GRIP1: variants seen among roughly 807,000 people sequenced by gnomAD.
GRIP1 encodes the protein glutamate receptor interacting protein 1.
In GRIP1, 45 loss-of-function variants were observed where a neutral mutation model predicts 129.9. That is an observed-to-expected ratio of 0.35 (90% CI 0.27 to 0.44). The LOEUF is 0.44. Ranked by LOEUF, GRIP1 falls within the 20% of genes least tolerant of loss-of-function variation. The pLI, the probability that GRIP1 is intolerant of heterozygous loss-of-function variation, is 1.00. For synonymous variants in GRIP1, 530 were observed against 520.8 expected (o/e 1.02, Z -0.24); for missense variants, 1,196 against 1,396.8 (o/e 0.86, Z 2.29).
chr12:66,683,070 A>G (rs1160975269), upstream of GRIP1, among the ~76,000 whole-genome samples: 2 of 151,892 alleles, frequency 1.3e-5, no homozygotes, highest in Non-Finnish European at 2.9e-5. Context: ...TGCAACACAT[A>G]CACAGTTATT....
intron 1 of GRIP1, among the ~76,000 whole-genome samples, chr12:66,835,857 A>C (rs1566044760): frequency 6.6e-6 from 1 of 152,158 alleles, no homozygotes; most frequent in African/African-American, 2.4e-5. Context: ...AGAATGGACA[A>C]CACCAAGGGT....
intron 1 of GRIP1, among the ~76,000 whole-genome samples, chr12:66,684,650 G>C (rs1030869805): frequency 2.9e-4 from 44 of 152,148 alleles, no homozygotes; most frequent in Admixed American, 2.8e-3. Flanking sequence ...TTCAAGACCA[G>C]TCTGGCCAAC....
rs1446401741 is a variant in GRIP1, at chr12:66,709,658, C to G, written c.-419-79322G>C. 3.3e-5 allele frequency among the ~76,000 whole-genome samples: 5 copies of G among 151,892 alleles called. 1 individual carries two copies. In the South Asian group the frequency reaches 1.0e-3, roughly 32 times the overall value. ...TGTTACCTTTCAAAGGCTGATAGTACAAGACAACACATGTGCCTTAAGGAT... is the reference window on the plus strand; with the variant it reads ...TGTTACCTTTCAAAGGCTGATAGTAGAAGACAACACATGTGCCTTAAGGAT... On this transcript the variant is annotated intron_variant, in intron 1 of 4. Coordinates refer to the GRIP1 transcript ENST00000538373.
At chr12:66,567,071 A>T (rs11176269) in intron 2 of GRIP1, among the ~76,000 whole-genome samples, 11,111 of 152,122 alleles carry the variant, frequency 0.073, 552 homozygotes, top group Non-Finnish European at 0.11. Flanking sequence ...TTTTCAAAAA[A>T]CCAGCTCCTG....
intron 2 of GRIP1, among the ~76,000 whole-genome samples, chr12:66,588,833 G>T (rs1264673089): frequency 6.7e-6 from 1 of 148,574 alleles, no homozygotes; most frequent in African/African-American, 2.5e-5. Flanking sequence ...GCTGGGCATG[G>T]TGGTGTACGT....
chr12:66,665,432 C>T (rs1385077575), intron 1 of GRIP1, among the ~76,000 whole-genome samples: 2 of 152,114 alleles, frequency 1.3e-5, no homozygotes, highest in Non-Finnish European at 2.9e-5. Flanking sequence ...TAAGAAATAG[C>T]AGAGCTCTGG....
rs1055371669 is a variant in GRIP1 at position 67,014,791 on chromosome 12, C to G, written c.58+54259G>C. 2.4e-4 allele frequency among the ~76,000 whole-genome samples: 37 copies of G among 152,160 alleles called. 1 individual carries two copies. The highest frequency in any genetic ancestry group is 8.7e-4 in the African/African-American group (36 of 41,518). The stretch of plus-strand genomic sequence containing the variant: ...TACTTGATCACAGAAAACTGTTTTT[C>G]TAAAGATACCTATAAATATGCAGTA... On this transcript the variant is annotated intron_variant, in intron 1 of 1. Transcript: ENST00000643019.
intron 1 of GRIP1, among the ~76,000 whole-genome samples, chr12:66,971,034 T>G (rs557530852): frequency 6.6e-6 from 1 of 152,200 alleles, no homozygotes; most frequent in Admixed American, 6.6e-5. Flanking sequence ...GTAAAATCCA[T>G]GTACGTGTGA....
At chr12:66,442,703 A>T (rs2058503640) in intron 13 of GRIP1, among the ~76,000 whole-genome samples, 1 of 149,736 alleles carries the variant, frequency 6.7e-6, no homozygotes, top group Non-Finnish European at 1.5e-5. Context: ...GGCTAATTTA[A>T]AAAAAATTTT....
intron 2 of GRIP1, among the ~76,000 whole-genome samples, chr12:66,594,092 A>AG (rs60287813): frequency 3.4e-5 from 5 of 148,570 alleles, no homozygotes; most frequent in African/African-American, 1.2e-4. Context: ...AAAAAAAAAA[A>AG]GATTTCAGCC....
intron 1 of GRIP1, among the ~76,000 whole-genome samples, chr12:66,709,139 T>C (rs887548590): frequency 6.6e-6 from 1 of 151,894 alleles, no homozygotes; most frequent in African/African-American, 2.4e-5. Context: ...GAAACAAATT[T>C]CAGTGCTTAT....
At chr12:66,594,386 T>C (rs112448223) in intron 2 of GRIP1, among the ~76,000 whole-genome samples, 4 of 152,324 alleles carry the variant, frequency 2.6e-5, no homozygotes, top group African/African-American at 7.2e-5. Flanking sequence ...CCACAACCCA[T>C]AGGCTGTAAT....
chr12:66,464,277 ATAAT>A (rs1465810082), intron 8 of GRIP1, among the ~76,000 whole-genome samples: 1 of 152,194 alleles, frequency 6.6e-6, no homozygotes, highest in Non-Finnish European at 1.5e-5. Context: ...GAGCTGTAAA[ATAAT>A]TAATTAGATG....
At chr12:66,513,442 G>A (rs993912438) in intron 7 of GRIP1, among the ~76,000 whole-genome samples, 1 of 151,772 alleles carries the variant, frequency 6.6e-6, no homozygotes, top group Admixed American at 6.6e-5. Context: ...AGCTATTAAA[G>A]CTTCCCCTCC....
At chr12:67,022,733 A>T (rs1207882087) in intron 1 of GRIP1, among the ~76,000 whole-genome samples, 7 of 152,080 alleles carry the variant, frequency 4.6e-5, no homozygotes, top group African/African-American at 1.4e-4. Context: ...TTTTAGCTAC[A>T]AGGGGTAAAG....
intron 1 of GRIP1, among the ~76,000 whole-genome samples, chr12:66,800,088 C>T (rs1324325964): frequency 6.6e-6 from 1 of 152,164 alleles, no homozygotes; most frequent in Non-Finnish European, 1.5e-5. Context: ...ATCACAATTA[C>T]TGCTGAATAT....
intron 1 of GRIP1, among the ~76,000 whole-genome samples, chr12:67,008,493 T>C (rs1270920107): frequency 6.6e-6 from 1 of 152,104 alleles, no homozygotes; most frequent in Non-Finnish European, 1.5e-5. Context: ...TAATGTACAA[T>C]AAAAGACACA....
chr12:66,900,181 G>C lies in GRIP1; in HGVS notation c.58+168869C>G, dbSNP rs1032852561. On this transcript the variant is annotated intron_variant, in intron 1 of 1. Coordinates refer to the GRIP1 transcript ENST00000643019. ...AAGAAAATAGTATCAGGTGTGATTA[G>C]GCTTGTCTGTATATAATAGAAACTC... 2.0e-5 allele frequency among the ~76,000 whole-genome samples: 3 copies of C among 152,158 alleles called. No homozygotes were observed. The East Asian group carries it at 5.8e-4, about 29-fold the overall frequency.
intron 1 of GRIP1, among the ~76,000 whole-genome samples, chr12:66,898,526 C>T (rs963047739): frequency 4.6e-5 from 7 of 152,060 alleles, no homozygotes; most frequent in African/African-American, 1.4e-4. Flanking sequence ...ATTGCATTTG[C>T]TCTTCTCTGG....
Sources: gnomAD v4.1 joint callset for allele counts (sites outside exome capture counted in the v4.1 genomes callset) on GRCh38, gnomAD v4.1.1 for gene constraint, MANE v1.5 for transcripts, NCBI Gene and HGNC (gene_info 2026-07-23, HGNC 2026-07-21) for gene names.